Variants in TMPRSS13 observed in about 807,000 individuals in gnomAD.
The protein encoded by TMPRSS13 is transmembrane protease serine 13.
In TMPRSS13, 50 loss-of-function variants were observed where a neutral mutation model predicts 68.4. That is an observed-to-expected ratio of 0.73 (90% CI 0.58 to 0.93). The LOEUF is 0.93. TMPRSS13 is among the 40% of genes least tolerant of loss of function. TMPRSS13 has a pLI of 0.00. For synonymous variants in TMPRSS13, 267 were observed against 285.8 expected (o/e 0.93, Z 0.66); for missense variants, 615 against 729.2 (o/e 0.84, Z 1.80).
chr11:117,911,018 G>C (rs1346005260), intron 6 of TMPRSS13, among the ~76,000 whole-genome samples: 1 of 152,164 alleles, frequency 6.6e-6, no homozygotes, highest in East Asian at 1.9e-4. Context: ...CATTGGCCCA[G>C]ATCCATGTTC....
In TMPRSS13 at chr11:117,918,400, C is replaced by T. The variant is rs970140935; in HGVS notation, c.451+9G>A. ...ATCTCTCGTGGCTTCCCTACAGCATCCCCCTTACCTGGGCTCTCCCTGGTG... is the reference window on the plus strand; with the variant it reads ...ATCTCTCGTGGCTTCCCTACAGCATTCCCCTTACCTGGGCTCTCCCTGGTG... On this transcript the variant is annotated intron_variant, in intron 2 of 12. Transcript: ENST00000524993. 6.2e-7 allele frequency: 1 copy of T among 1,611,856 alleles called. No homozygotes were observed. Among genetic ancestry groups the T allele is most frequent in the East Asian group, 2.2e-5 (1 of 44,824 alleles).
chr11:117,924,804 C>T (rs1056416070), intron 1 of TMPRSS13, among the ~76,000 whole-genome samples: 1 of 152,176 alleles, frequency 6.6e-6, no homozygotes, highest in Non-Finnish European at 1.5e-5. Context: ...CCCACAAATA[C>T]AGGCTCTCCT....
intron 1 of TMPRSS13, among the ~76,000 whole-genome samples, chr11:117,920,556 G>A (rs957766900): frequency 1.3e-5 from 2 of 152,018 alleles, no homozygotes; most frequent in East Asian, 1.9e-4. Flanking sequence ...GCAGTGCCGC[G>A]ATCTTGGCTC....
intron 9 of TMPRSS13, among the ~76,000 whole-genome samples, chr11:117,906,804 G>GT (rs1455069217): frequency 6.6e-6 from 1 of 152,118 alleles, no homozygotes; most frequent in Non-Finnish European, 1.5e-5. Flanking sequence ...ATATTTCACT[G>GT]TTTTTTATGG....
At position 117,922,547 on chromosome 11, in the gene TMPRSS13, C is replaced by T. The variant is rs2057659302; in HGVS notation, c.22-3709G>A. ...CCAGCCGAGACTTCTTATCCAAGGT[C>T]CCAAGCTACAAGGGGCAGAACCAGG... On this transcript the variant is annotated intron_variant, in intron 1 of 12. Coordinates refer to ENST00000524993, the MANE Select transcript of TMPRSS13 (RefSeq NM_001077263.3). This position sits in a 1 kb window ranked among gnomAD's most constrained non-coding sequence, Gnocchi z 4.2. Among the ~76,000 whole-genome samples, 1 of 152,218 alleles carries T rather than the reference C, an allele frequency of 6.6e-6. No individual in the cohort carries two copies. The highest frequency in any genetic ancestry group is 2.4e-5 in the African/African-American group (1 of 41,456).
chr11:117,917,561 C>A (rs1418320598), intron 2 of TMPRSS13, among the ~76,000 whole-genome samples: 1 of 152,240 alleles, frequency 6.6e-6, no homozygotes, highest in African/African-American at 2.4e-5. Context: ...ATTCTCACAG[C>A]AACCTCATGA....
chr11:117,922,519 C>T lies in TMPRSS13; in HGVS notation c.22-3681G>A, dbSNP rs894440139. 1.3e-5 allele frequency among the ~76,000 whole-genome samples: 2 copies of T among 152,166 alleles called. No homozygotes were observed. Among genetic ancestry groups the T allele is most frequent in the Non-Finnish European group, 1.5e-5 (1 of 68,018 alleles). ...CTGGGATTACAGGCGTGAGCCACCG[C>T]GCCCAGCCGAGACTTCTTATCCAAG... On this transcript the variant is annotated intron_variant, in intron 1 of 12. Coordinates refer to ENST00000524993, the MANE Select transcript of TMPRSS13 (RefSeq NM_001077263.3). This position sits in a 1 kb window ranked among gnomAD's most constrained non-coding sequence, Gnocchi z 4.2.
chr11:117,910,462 T>C, intron 7 of TMPRSS13: 1 of 503,744 alleles, frequency 2.0e-6, no homozygotes, highest in Non-Finnish European at 3.6e-6. Context: ...CACAGAAGAC[T>C]CAGACAGCTT....
intron 6 of TMPRSS13, 39 bp downstream of exon 6, chr11:117,911,729 C>T: frequency 6.4e-7 from 1 of 1,565,934 alleles, no homozygotes; most frequent in South Asian, 1.1e-5. Flanking sequence ...CCACTCCTTC[C>T]CCTGCTCACA....
Position 117,914,777 on chromosome 11 carries a change from G to A in TMPRSS13, c.557-263C>T, listed in dbSNP as rs141980055. On this transcript the variant is annotated intron_variant, in intron 3 of 12. Coordinates refer to ENST00000524993, the MANE Select transcript of TMPRSS13 (RefSeq NM_001077263.3). This position sits in a 1 kb window ranked among gnomAD's most constrained non-coding sequence, Gnocchi z 4.2. ...AGAGAGAAAGAGAGAGAGAGACAGA[G>A]AGTGCTGTGGAGATGGGGACCACCT... 7.6e-3 allele frequency among the ~76,000 whole-genome samples: 1,159 copies of A among 152,252 alleles called. 14 individuals are homozygous for A. Among genetic ancestry groups the A allele is most frequent in the African/African-American group, 0.025 (1,036 of 41,528 alleles).
chr11:117,905,262 T>TCCTGCGTCTTTGAACCCTCCCCAAGC (rs1484993519), intron 10 of TMPRSS13, among the ~76,000 whole-genome samples: 1 of 151,878 alleles, frequency 6.6e-6, no homozygotes, highest in Non-Finnish European at 1.5e-5. Context: ...TAGAGAAAAG[T>TCCTGCGTCTTTGAACCCTCCCCAAGC]CCTGCGTCTT....
rs1006150439 is a variant in TMPRSS13, at chr11:117,903,414, C to G, written c.1677+241G>C. 5.2e-6 allele frequency: 8 copies of G among 1,536,060 alleles called. No homozygotes were observed. In the Admixed American group the frequency reaches 1.6e-4, roughly 30 times the overall value. On this transcript the variant is annotated intron_variant, in intron 12 of 12. Coordinates refer to ENST00000524993, the MANE Select transcript of TMPRSS13 (RefSeq NM_001077263.3). ...GAACATCTGCCCAGCAACTGCCTGC[C>G]TGGCCTGTAGGTCCACCCTTTTTCA...
At position 117,902,237 on chromosome 11, in the gene TMPRSS13, G is replaced by A. The variant is rs1565343457; in HGVS notation, c.*2C>T. 4 of 1,613,288 alleles carry A rather than the reference G, an allele frequency of 2.5e-6. No individual in the cohort carries two copies. Among genetic ancestry groups the A allele is most frequent in the East Asian group, 4.5e-5 (2 of 44,900 alleles). On this transcript the variant is annotated 3_prime_UTR_variant, in exon 13 of 13. Transcript: ENST00000524993. ...TGCTGTGCAGAGCAGCAGGCCAGCT[G>A]GTTAGGATTTTCTGAATCGCACCTC...
Position 117,914,415 on chromosome 11 carries a change from A to G in TMPRSS13, c.656T>C (p.Leu219Pro). ...VRCDGVVDCK[L>P]KSDELGCVRF... is the part of the protein sequence containing the mutation. ...ACCGCAGCCCAGCTCGTCACTCTTC[A>G]GCTTGCAGTCCACCACCCCGTCACA... The change falls in exon 4 of 13, where the codon CTG becomes CCG. Residue 219 changes from leucine (L) to proline (P), a missense_variant. By Grantham distance (98) the Leu-to-Pro change is moderately conservative (BLOSUM62 -3). Transcript: ENST00000524993. The surrounding 1 kb of genome is among the most constrained non-coding windows in gnomAD (Gnocchi z 4.2). 1 of 1,613,856 alleles carries G rather than the reference A, an allele frequency of 6.2e-7. No homozygotes were observed. The highest frequency in any genetic ancestry group is 8.5e-7 in the Non-Finnish European group (1 of 1,179,976).
At chr11:117,923,886 G>T (rs2057671939) in intron 1 of TMPRSS13, among the ~76,000 whole-genome samples, 1 of 147,718 alleles carries the variant, frequency 6.8e-6, no homozygotes, top group Non-Finnish European at 1.5e-5. Context: ...AGAATGTCCA[G>T]CAGGGAGCAG....
At chr11:117,906,042 C>A (rs1479962951) in intron 9 of TMPRSS13, among the ~76,000 whole-genome samples, 7 of 152,256 alleles carry the variant, frequency 4.6e-5, no homozygotes, top group African/African-American at 1.7e-4. Flanking sequence ...CGATACTGGG[C>A]AGCTGAGGGT....
At chr11:117,929,260 T>C in intron 1 of TMPRSS13, 27 bp downstream of exon 1, 2 of 1,594,264 alleles carry the variant, frequency 1.3e-6, no homozygotes, top group South Asian at 1.1e-5. Context: ...TGGGAGAATC[T>C]GGCCCGAGGC....
chr11:117,918,719 A>G lies in TMPRSS13; in HGVS notation c.141T>C (p.Ala47=), dbSNP rs2134911419. Residue 47 remains alanine, a synonymous_variant, in exon 2 of 13, where the codon GCT becomes GCC. Transcript: ENST00000524993. ...GAGATGCCCGGCCCGGAGGTGTCCC[A>G]GCTGGAGATGCCTGGGCTGGAGATG... ...AQASPAQASP[A]GTPPGRASPA... 6.3e-7 allele frequency: 1 copy of G among 1,593,178 alleles called. No individual in the cohort carries two copies. Among genetic ancestry groups the G allele is most frequent in the South Asian group, 1.1e-5 (1 of 89,282 alleles).
chr11:117,901,381 G>A lies in TMPRSS13; in HGVS notation c.*858C>T, dbSNP rs1047253636. 6.6e-6 allele frequency: 1 copy of A among 152,540 alleles called. No individual in the cohort carries two copies. Among genetic ancestry groups the A allele is most frequent in the Non-Finnish European group, 1.5e-5 (1 of 68,052 alleles). 9.4% of individuals were successfully genotyped at this position (152,540 alleles called of 1,614,324 possible). ...GGGGCTCCAGATGCTGTAGTGACTT[G>A]GGGGATGCCCATCCTGGGGACTTTG... On this transcript the variant is annotated 3_prime_UTR_variant, in exon 13 of 13. Coordinates refer to ENST00000524993, the MANE Select transcript of TMPRSS13 (RefSeq NM_001077263.3).
Sources: allele counts gnomAD v4.1 joint callset (sites outside exome capture counted in the v4.1 genomes callset), GRCh38; gene constraint gnomAD v4.1.1; non-coding constraint Gnocchi (gnomAD v3.1); transcripts MANE v1.5; gene names NCBI Gene and HGNC (gene_info 2026-07-23, HGNC 2026-07-21).